SRA1: variants seen among roughly 807,000 people sequenced by gnomAD.
SRA1 encodes lncRNA SRA.
A neutral mutation model predicts 24.3 loss-of-function variants in SRA1; 25 were observed. The observed-to-expected ratio is 1.03, with a 90% confidence interval of 0.75 to 1.43. The LOEUF is 1.43. Ranked by LOEUF, SRA1 falls within the 40% of genes most tolerant of loss-of-function variation. The pLI, the probability that SRA1 is intolerant of heterozygous loss-of-function variation, is 0.00. For synonymous variants in SRA1, 104 were observed against 109.5 expected (o/e 0.95, Z 0.31); for missense variants, 303 against 286.6 (o/e 1.06, Z -0.41).
chr5:140,551,106 T>G lies in SRA1; in HGVS notation c.418A>C (p.Lys140Gln), dbSNP rs1707837071. 1.2e-6 allele frequency: 2 copies of G among 1,614,036 alleles called. No individual in the cohort carries two copies. The highest frequency in any genetic ancestry group is 2.7e-5 in the African/African-American group (2 of 74,918). The change falls in exon 4 of 5, where the codon AAG becomes CAG. Residue 140 changes from lysine to glutamine, a missense_variant. By Grantham distance (53) the Lys-to-Gln change is moderately conservative. Coordinates refer to ENST00000336283, the MANE Select transcript of SRA1 (RefSeq NM_001035235.4). Reference protein sequence around the residue: ...ALLQEQWAGGKLSIPVKKRMA... With the variant: ...ALLQEQWAGGQLSIPVKKRMA... The stretch of plus-strand genomic sequence containing the variant: ...CTCTTCTTTACAGGTATTGACAACT[T>G]TCCTCCAGCCCACTGTTCCTGCAGC...
intron 2 of SRA1, 52 bp downstream of exon 2, chr5:140,557,095 A>C (rs1283398705): frequency 7.5e-4 from 627 of 838,400 alleles, no homozygotes; most frequent in African/African-American, 3.9e-3. Context: ...TATGCCTTAC[A>C]CCCCCCCCCC....
chr5:140,557,097 C>A (rs757206501), intron 2 of SRA1, 50 bp downstream of exon 2: 15 of 24,296 alleles, frequency 6.2e-4, no homozygotes, highest in Admixed American at 9.2e-4. Flanking sequence ...TGCCTTACAC[C>A]CCCCCCCCCC....
In SRA1 at chr5:140,550,460, G is replaced by C. The variant is rs1236210202; in HGVS notation, c.*240C>G. The C allele has an allele frequency of 1.7e-6, 1 of 572,922 alleles. No homozygotes were observed. The highest frequency in any genetic ancestry group is 3.1e-6 in the Non-Finnish European group (1 of 320,820). 35.5% of individuals were successfully genotyped at this position (572,922 alleles called of 1,614,324 possible). A position where few individuals can be genotyped will look rare whatever the true frequency, so the allele number is the denominator to read the frequency against. On this transcript the variant is annotated 3_prime_UTR_variant, in exon 5 of 5. Transcript: ENST00000336283. ...AGCAGGGCAGTCGAGGACACCAGAG[G>C]GGACTAGCTTGGCACCGGAAGGGTT...
chr5:140,557,474 G>T (rs1345616605), upstream of SRA1: 2 of 1,551,084 alleles, frequency 1.3e-6, no homozygotes, highest in East Asian at 4.9e-5. Flanking sequence ...CTTGGCCAGC[G>T]GGGCAGCGCG....
At chr5:140,557,565 G>C (rs1754764724), upstream of SRA1, 1 of 1,272,118 alleles carries the variant, frequency 7.9e-7, no homozygotes, top group African/African-American at 1.5e-5. Flanking sequence ...GTGGAGGATG[G>C]ATGCTGGTTC....
At chr5:140,553,616 A>G (rs534727928) in intron 2 of SRA1, among the ~76,000 whole-genome samples, 3 of 152,334 alleles carry the variant, frequency 2.0e-5, no homozygotes, top group South Asian at 4.1e-4. Context: ...TCTTGAGTCA[A>G]TGGTACTGGG....
intron 2 of SRA1, among the ~76,000 whole-genome samples, chr5:140,555,931 T>A (rs1193312354): frequency 6.6e-6 from 1 of 152,260 alleles, no homozygotes; most frequent in Non-Finnish European, 1.5e-5. Context: ...ATAATAGCTG[T>A]AATTTGTCTT....
rs149499620 is a variant in SRA1 at position 140,551,111 on chromosome 5, C to T, written c.413G>A (p.Gly138Glu). ...CTTTACAGGTATTGACAACTTTCCT[C>T]CAGCCCACTGTTCCTGCAGCAGTGC... ...RLALLQEQWA[G>E]GKLSIPVKKR... The change falls in exon 4 of 5, where the codon GGA becomes GAA. Residue 138 changes from glycine to glutamate, a missense_variant. By Grantham distance (98) the Gly-to-Glu change is moderately conservative. Coordinates refer to ENST00000336283, the MANE Select transcript of SRA1 (RefSeq NM_001035235.4). 5,083 of 1,614,194 alleles carry T rather than the reference C, an allele frequency of 3.1e-3. 17 individuals carry two copies. Among genetic ancestry groups the T allele is most frequent in the Non-Finnish European group, 3.8e-3 (4,537 of 1,180,024 alleles).
chr5:140,554,465 C>T (rs1754639913), intron 2 of SRA1, among the ~76,000 whole-genome samples: 1 of 152,208 alleles, frequency 6.6e-6, no homozygotes, highest in African/African-American at 2.4e-5. Flanking sequence ...TCCTAACCCA[C>T]CTGCATCTGT....
upstream of SRA1, chr5:140,557,729 A>T: frequency 1.8e-6 from 1 of 547,524 alleles, no homozygotes; most frequent in Admixed American, 3.6e-5. Flanking sequence ...CTCAGGAGCA[A>T]ATTCAAACAA....
Position 140,551,056 on chromosome 5 carries a change from C to A in SRA1, c.463+5G>T. Reference sequence around the variant, plus strand: ...TTTAGGCTATACCAAAGAACCCACCCATACCTTGCACCAGTAGAGCCATTC... The same window carrying A: ...TTTAGGCTATACCAAAGAACCCACCAATACCTTGCACCAGTAGAGCCATTC... On this transcript the variant is annotated splice_donor_5th_base_variant and intron_variant, in intron 4 of 4. Transcript: ENST00000336283. 1 of 1,611,016 alleles carries A rather than the reference C, an allele frequency of 6.2e-7. No homozygotes were observed. The highest frequency in any genetic ancestry group is 8.5e-7 in the Non-Finnish European group (1 of 1,177,124).
rs1754544781 is a variant in SRA1, at chr5:140,551,056, C to G, written c.463+5G>C. The G allele has an allele frequency of 6.2e-7, 1 of 1,610,898 alleles. No individual in the cohort carries two copies. The highest frequency in any genetic ancestry group is 2.2e-5 in the East Asian group (1 of 44,874). On this transcript the variant is annotated splice_donor_5th_base_variant and intron_variant, in intron 4 of 4. Transcript: ENST00000336283. ...TTTAGGCTATACCAAAGAACCCACCCATACCTTGCACCAGTAGAGCCATTC... is the reference window on the plus strand; with the variant it reads ...TTTAGGCTATACCAAAGAACCCACCGATACCTTGCACCAGTAGAGCCATTC...
intron 2 of SRA1, among the ~76,000 whole-genome samples, chr5:140,552,664 AAAAAG>A (rs1393380519): frequency 1.1e-4 from 17 of 152,104 alleles, no homozygotes; most frequent in Non-Finnish European, 1.5e-4. Context: ...AAAAAAAAAA[AAAAAG>A]AAAAGAAAAG....
chr5:140,557,551 A>T (rs1283509055), upstream of SRA1: 37 of 1,413,268 alleles, frequency 2.6e-5, no homozygotes, highest in Non-Finnish European at 3.4e-5. Context: ...GGTTGCCGGA[A>T]TCCGTGGAGG....
intron 2 of SRA1, 22 bp downstream of exon 2, chr5:140,557,125 C>G (rs1754733380): frequency 1.4e-6 from 2 of 1,420,130 alleles, no homozygotes; most frequent in Non-Finnish European, 1.9e-6. Context: ...CGTCTGTCTC[C>G]GAGCACAGGG....
At chr5:140,557,356 C>A in intron 1 of SRA1, 72 bp downstream of exon 1, 1 of 1,603,582 alleles carries the variant, frequency 6.2e-7, no homozygotes, top group Non-Finnish European at 8.5e-7. Flanking sequence ...AGGGTCCATA[C>A]TAAGCGCCGC....
At position 140,557,163 on chromosome 5, in the gene SRA1, C is replaced by T. The variant is rs751585477; in HGVS notation, c.135G>A (p.Gln45=). Reference sequence around the variant, plus strand: ...CCCACGCACCTCTGGGGGATCCATCCTGGGGTGCGGCGACCCTCTTGGTAA... The same window carrying T: ...CCCACGCACCTCTGGGGGATCCATCTTGGGGTGCGGCGACCCTCTTGGTAA... ...SLLTKRVAAP[Q]DGSPRVPASE... is the part of the protein sequence containing the mutation. The change falls in exon 2 of 5, where the codon CAG becomes CAA. Residue 45 remains glutamine (Q), a synonymous_variant. Coordinates refer to ENST00000336283, the MANE Select transcript of SRA1 (RefSeq NM_001035235.4). 7 of 1,605,422 alleles carry T rather than the reference C, an allele frequency of 4.4e-6. No individual in the cohort carries two copies. In the South Asian group the frequency reaches 4.4e-5, roughly 10 times the overall value.
At chr5:140,555,396 C>T (rs1754668202) in intron 2 of SRA1, among the ~76,000 whole-genome samples, 1 of 151,976 alleles carries the variant, frequency 6.6e-6, no homozygotes, top group Non-Finnish European at 1.5e-5. Context: ...ACAGGCCCAG[C>T]TAATTTTTGT....
At chr5:140,554,064 G>A (rs1754630367) in intron 2 of SRA1, among the ~76,000 whole-genome samples, 1 of 152,036 alleles carries the variant, frequency 6.6e-6, no homozygotes. Flanking sequence ...CCCTACATCA[G>A]CCTGTCATCC....
Sources: allele counts gnomAD v4.1 joint callset (sites outside exome capture counted in the v4.1 genomes callset), GRCh38; gene constraint gnomAD v4.1.1; transcripts MANE v1.5; gene names NCBI Gene and HGNC (gene_info 2026-07-23, HGNC 2026-07-21).